Variants in HECW1 observed in about 807,000 individuals in gnomAD.
HECW1 encodes the protein E3 ubiquitin-protein ligase HECW1.
A neutral mutation model predicts 182.3 loss-of-function variants in HECW1; 61 were observed. That is an observed-to-expected ratio of 0.33 (90% CI 0.27 to 0.41). The LOEUF (loss-of-function observed/expected upper bound fraction) is 0.41. Among genes scored for constraint, HECW1 ranks in the 10% least tolerant of loss-of-function variants. HECW1 has a pLI of 1.00. For synonymous variants in HECW1, 859 were observed against 832.6 expected (o/e 1.03, Z -0.55); for missense variants, 1,739 against 2,108.9 (o/e 0.82, Z 3.44).
intron 2 of HECW1, among the ~76,000 whole-genome samples, chr7:43,230,892 A>C (rs946187981): frequency 9.2e-5 from 13 of 142,048 alleles, no homozygotes; most frequent in Non-Finnish European, 1.4e-4. Context: ...ATTTAAAAAA[A>C]ATAAATTAAA....
chr7:43,237,114 GAAA>G (rs1025762199), intron 2 of HECW1, among the ~76,000 whole-genome samples: 1 of 150,950 alleles, frequency 6.6e-6, no homozygotes, highest in Non-Finnish European at 1.5e-5. Context: ...AGGGAAGAAA[GAAA>G]AAAAGAAGGA....
At chr7:43,493,264 C>T (rs926582457) in intron 19 of HECW1, 84 bp downstream of exon 19, 61 of 827,440 alleles carry the variant, frequency 7.4e-5, no homozygotes, top group African/African-American at 4.8e-4. Flanking sequence ...GGAGACAGAG[C>T]GGAAGCTTAT....
At chr7:43,405,623 T>G (rs887037100) in intron 7 of HECW1, among the ~76,000 whole-genome samples, 3 of 152,114 alleles carry the variant, frequency 2.0e-5, no homozygotes, top group Admixed American at 2.0e-4. Flanking sequence ...TGGTCATGTG[T>G]GCATCTTCTG....
chr7:43,543,579 G>C (rs1329784278), intron 26 of HECW1, among the ~76,000 whole-genome samples: 2 of 151,996 alleles, frequency 1.3e-5, no homozygotes, highest in Non-Finnish European at 2.9e-5. Context: ...AGGAGTTCGA[G>C]ACCAGCCTGA....
intron 2 of HECW1, among the ~76,000 whole-genome samples, chr7:43,159,578 A>G (rs1163209711): frequency 6.6e-6 from 1 of 152,194 alleles, no homozygotes; most frequent in East Asian, 1.9e-4. Context: ...CAAATTGTCC[A>G]TCAGATAGTT....
At chr7:43,416,675 A>T (rs1411819714) in intron 8 of HECW1, among the ~76,000 whole-genome samples, 1 of 146,470 alleles carries the variant, frequency 6.8e-6, no homozygotes, top group Non-Finnish European at 1.5e-5. Context: ...GCTAGCAATC[A>T]GCGAGATTCC....
intron 2 of HECW1, among the ~76,000 whole-genome samples, chr7:43,199,726 A>G (rs768317692): frequency 7.2e-5 from 11 of 152,224 alleles, no homozygotes; most frequent in Non-Finnish European, 1.2e-4. Context: ...GTAGAAAAAA[A>G]TATAGAATTT....
chr7:43,565,857 T>C lies in HECW1; in HGVS notation c.*3931T>C. ...TACAACAATTTTGTTCAAAAGTCTG[T>C]TCTAGTCAATAGCAGGAGAAGTCCA... On this transcript the variant is annotated 3_prime_UTR_variant, in exon 30 of 30. Transcript: ENST00000395891. The C allele has an allele frequency of 5.3e-6, 1 of 189,406 alleles. No individual in the cohort carries two copies. The highest frequency in any genetic ancestry group is 8.3e-5 in the East Asian group (1 of 11,998). The allele number at this position is 189,406 out of a possible 1,614,324, so 11.7% of individuals were successfully genotyped here.
At chr7:43,543,506 C>T (rs374310331) in intron 26 of HECW1, among the ~76,000 whole-genome samples, 21 of 152,218 alleles carry the variant, frequency 1.4e-4, no homozygotes, top group Admixed American at 3.9e-4. Context: ...TGGCTGGGCA[C>T]GGTGGCTCAC....
At chr7:43,336,152 C>T (rs868522238) in intron 5 of HECW1, among the ~76,000 whole-genome samples, 1,380 of 63,218 alleles carry the variant, frequency 0.022, 6 homozygotes, top group Non-Finnish European at 0.032. Flanking sequence ...CTTTCTCTCT[C>T]TCTCTCTCTC....
chr7:43,364,127 T>C (rs1816314981), intron 6 of HECW1, among the ~76,000 whole-genome samples: 1 of 152,202 alleles, frequency 6.6e-6, no homozygotes, highest in Non-Finnish European at 1.5e-5. Context: ...AGTCACTGAG[T>C]TGGTCTGTGA....
At chr7:43,122,842 C>T (rs1041830222) in intron 2 of HECW1, among the ~76,000 whole-genome samples, 2 of 152,154 alleles carry the variant, frequency 1.3e-5, no homozygotes, top group African/African-American at 4.8e-5. Flanking sequence ...AAACTACATA[C>T]ACATAACATA....
At position 43,459,225 on chromosome 7, in the gene HECW1, C is replaced by T. The variant is rs1006710692; in HGVS notation, c.2651+2778C>T. 5.3e-5 allele frequency among the ~76,000 whole-genome samples: 8 copies of T among 152,300 alleles called. No homozygotes were observed. In the East Asian group the frequency reaches 1.2e-3, roughly 22 times the overall value. ...TTCTGGAATGTGCCTGCCTCTGTGC[C>T]TGTTCTTACCTTTTTGCCTTACTCT... On this transcript the variant is annotated intron_variant, in intron 13 of 29. Transcript: ENST00000395891.
intron 6 of HECW1, among the ~76,000 whole-genome samples, chr7:43,395,539 CAT>C (rs2075198554): frequency 6.6e-6 from 1 of 152,350 alleles, no homozygotes; most frequent in African/African-American, 2.4e-5. Flanking sequence ...AAGGGACAGA[CAT>C]GTGTCAAAGA....
At chr7:43,543,136 T>C (rs983770727) in intron 26 of HECW1, among the ~76,000 whole-genome samples, 1 of 152,218 alleles carries the variant, frequency 6.6e-6, no homozygotes, top group Non-Finnish European at 1.5e-5. Context: ...AACCATAGCC[T>C]GAGTAGATTT....
intron 2 of HECW1, among the ~76,000 whole-genome samples, chr7:43,203,812 G>A (rs1011685450): frequency 3.3e-5 from 5 of 152,048 alleles, no homozygotes; most frequent in African/African-American, 1.2e-4. Context: ...CATATCAAAA[G>A]GATTATTGTA....
chr7:43,458,787 T>G (rs1478411677), intron 13 of HECW1, among the ~76,000 whole-genome samples: 1 of 152,220 alleles, frequency 6.6e-6, no homozygotes, highest in Non-Finnish European at 1.5e-5. Context: ...GTCGTTTTTT[T>G]GATAACCCAC....
intron 3 of HECW1, among the ~76,000 whole-genome samples, chr7:43,277,288 C>T (rs147141850): frequency 6.6e-6 from 1 of 152,100 alleles, no homozygotes; most frequent in Non-Finnish European, 1.5e-5. Flanking sequence ...TGCCACCTGC[C>T]GCCATGACGC....
intron 2 of HECW1, among the ~76,000 whole-genome samples, chr7:43,201,943 A>C (rs974830039): frequency 6.6e-6 from 1 of 152,208 alleles, no homozygotes; most frequent in African/African-American, 2.4e-5. Flanking sequence ...GGTAGAATCA[A>C]AGTCCATTTT....
Sources: gnomAD v4.1 joint callset for allele counts (sites outside exome capture counted in the v4.1 genomes callset) on GRCh38, gnomAD v4.1.1 for gene constraint, MANE v1.5 for transcripts, NCBI Gene and HGNC (gene_info 2026-07-23, HGNC 2026-07-21) for gene names.